The following CSMD1 variants were observed in gnomAD, a reference collection of about 807,000 sequenced individuals.
The protein encoded by CSMD1 is CUB and Sushi multiple domains 1, also known as CUB and sushi domain-containing protein 1.
A neutral mutation model predicts 417.5 loss-of-function variants in CSMD1; 213 were observed. The ratio of observed to expected loss-of-function variants is 0.51; its 90% CI spans 0.46 to 0.57. CSMD1 has a LOEUF of 0.57. Among genes scored for constraint, CSMD1 ranks in the 20% least tolerant of loss-of-function variants. The probability of loss-of-function intolerance (pLI) is 0.00; values close to 1 mark genes in which losing one functional copy is unlikely to be tolerated. For missense variants in CSMD1, 6,923 were observed against 4,529.7 expected (o/e 1.53, Z -15.17); for synonymous variants, 2,862 against 1,736.8 (o/e 1.65, Z -16.11).
chr8:3,540,256 C>G (rs1261698915), intron 10 of CSMD1, among the ~76,000 whole-genome samples: 1 of 152,138 alleles, frequency 6.6e-6, no homozygotes, highest in African/African-American at 2.4e-5. Context: ...ATTCAACTTA[C>G]TTGCAAAACA....
At chr8:4,418,578 T>C (rs189151716) in intron 3 of CSMD1, among the ~76,000 whole-genome samples, 8 of 152,318 alleles carry the variant, frequency 5.3e-5, no homozygotes, top group South Asian at 4.1e-4. Context: ...TGAACAAATA[T>C]TGTATGTTAA....
chr8:3,750,961 T>C (rs1167173662), intron 6 of CSMD1, among the ~76,000 whole-genome samples: 2 of 152,106 alleles, frequency 1.3e-5, no homozygotes, highest in Admixed American at 1.3e-4. Context: ...ATTCCTCACA[T>C]CCTCCTTCTG....
chr8:3,788,140 G>A (rs1433365353), intron 5 of CSMD1, among the ~76,000 whole-genome samples: 1 of 152,122 alleles, frequency 6.6e-6, no homozygotes, highest in Non-Finnish European at 1.5e-5. Flanking sequence ...CTCAGGACTT[G>A]GAGATGAAAT....
At chr8:3,371,064 G>A (rs534141594) in intron 18 of CSMD1, among the ~76,000 whole-genome samples, 1 of 152,218 alleles carries the variant, frequency 6.6e-6, no homozygotes, top group African/African-American at 2.4e-5. Context: ...AGAGCTCCTG[G>A]TTCTTGAACC....
intron 3 of CSMD1, among the ~76,000 whole-genome samples, chr8:4,356,411 G>A (rs761921604): frequency 6.6e-6 from 1 of 152,024 alleles, no homozygotes; most frequent in Non-Finnish European, 1.5e-5. Context: ...TTTTGCAATT[G>A]TCAATTGTGC....
chr8:3,976,565 C>G (rs1353026548), intron 5 of CSMD1, among the ~76,000 whole-genome samples: 2 of 152,144 alleles, frequency 1.3e-5, no homozygotes, highest in Admixed American at 6.6e-5. Flanking sequence ...GTCTTCTCAG[C>G]AATTAAGACA....
intron 1 of CSMD1, among the ~76,000 whole-genome samples, chr8:4,838,719 C>T (rs905832783): frequency 3.9e-5 from 6 of 152,300 alleles, no homozygotes; most frequent in East Asian, 1.9e-4. Context: ...CCCAAGCCTC[C>T]CTTGTTTCAT....
At chr8:4,350,389 A>T (rs1801022523) in intron 3 of CSMD1, among the ~76,000 whole-genome samples, 1 of 152,136 alleles carries the variant, frequency 6.6e-6, no homozygotes, top group South Asian at 2.1e-4. Context: ...TTATAAATGA[A>T]ATGCACAGCT....
At chr8:3,720,000 T>A (rs4875783) in intron 6 of CSMD1, among the ~76,000 whole-genome samples, 5 of 152,162 alleles carry the variant, frequency 3.3e-5, no homozygotes, top group Non-Finnish European at 7.4e-5. Context: ...TTACATGACA[T>A]GGCAAATAGA....
In CSMD1 at chr8:4,761,940, T is replaced by A. The variant is rs559244838; in HGVS notation, c.86-124382A>T. On this transcript the variant is annotated intron_variant, in intron 1 of 69. Transcript: ENST00000635120. Reference sequence around the variant, plus strand: ...CTATCTATCTATCTATCTATCTATCTATCTATCTATCTATCTATCTATCTA... The same window carrying A: ...CTATCTATCTATCTATCTATCTATCAATCTATCTATCTATCTATCTATCTA... 2.2e-3 allele frequency among the ~76,000 whole-genome samples: 326 copies of A among 149,598 alleles called. 1 individual carries two copies. The highest frequency in any genetic ancestry group is 7.8e-3 in the African/African-American group (316 of 40,504).
At position 3,512,865 on chromosome 8, in the gene CSMD1, G is replaced by C. The variant is rs368718143; in HGVS notation, c.1345-19139C>G. Among the ~76,000 whole-genome samples, 19 of 152,056 alleles carry C rather than the reference G, an allele frequency of 1.2e-4. No individual in the cohort carries two copies. The East Asian group carries it at 2.3e-3, about 19-fold the overall frequency. On this transcript the variant is annotated intron_variant, in intron 10 of 69. Coordinates refer to ENST00000635120, the MANE Select transcript of CSMD1 (RefSeq NM_033225.6). ...CCCACCTCGGCCTCCCAAAATGCTG[G>C]GATTACAGGTGTGAGCCACTGCACT...
intron 1 of CSMD1, among the ~76,000 whole-genome samples, chr8:4,638,789 G>A (rs1361851114): frequency 6.6e-6 from 1 of 152,168 alleles, no homozygotes; most frequent in African/African-American, 2.4e-5. Context: ...AAATGATGAG[G>A]GCTGAAGGGC....
At chr8:4,272,719 T>A (rs1185074153) in intron 3 of CSMD1, among the ~76,000 whole-genome samples, 6 of 152,124 alleles carry the variant, frequency 3.9e-5, no homozygotes, top group Non-Finnish European at 7.4e-5. Context: ...CATTCTGTAA[T>A]TCTTGACTGT....
Position 3,656,113 on chromosome 8 carries a change from G to C in CSMD1, c.1010-39316C>G, listed in dbSNP as rs150714011. Among the ~76,000 whole-genome samples the C allele has an allele frequency of 3.9e-3, 587 of 152,282 alleles. 5 individuals are homozygous for C. The highest frequency in any genetic ancestry group is 0.013 in the African/African-American group (552 of 41,562). The stretch of plus-strand genomic sequence containing the variant: ...CACAGATGCTACCAGAAGATCATGG[G>C]GTGCGCAGTGAACTCATTGGGGCGA... On this transcript the variant is annotated intron_variant, in intron 7 of 69. Transcript: ENST00000635120.
At chr8:4,305,559 A>G (rs976432787) in intron 3 of CSMD1, among the ~76,000 whole-genome samples, 3 of 152,240 alleles carry the variant, frequency 2.0e-5, no homozygotes, top group African/African-American at 7.2e-5. Context: ...TCTCTCTGGA[A>G]TAACAGGAAA....
chr8:4,168,240 A>C (rs111304256), intron 3 of CSMD1, among the ~76,000 whole-genome samples: 9 of 151,642 alleles, frequency 5.9e-5, no homozygotes, highest in African/African-American at 1.5e-4. Flanking sequence ...AACACACACA[A>C]AAAAATTAGT....
At chr8:3,450,944 G>A in intron 12 of CSMD1, among the ~76,000 whole-genome samples, 1 of 152,074 alleles carries the variant, frequency 6.6e-6, no homozygotes, top group East Asian at 1.9e-4. Flanking sequence ...GTGTAAAAGT[G>A]TTCCTATTTC....
rs774181273 is a variant in CSMD1 at position 3,396,312 on chromosome 8, G to T, written c.2475C>A (p.Ile825=). The part of the protein sequence containing the change: ...RDGPASSSPL[I]GEYHGTQAPQ... ...GTGCCTGGGTGCCGTGGTACTCGCC[G>T]ATCAGTGGGGACGAACTGGCTGGCC... The change falls in exon 17 of 70, where the codon ATC becomes ATA. Residue 825 remains isoleucine, a synonymous_variant. Transcript: ENST00000635120. 1.9e-6 allele frequency: 3 copies of T among 1,607,144 alleles called. No homozygotes were observed. Among genetic ancestry groups the T allele is most frequent in the East Asian group, 4.5e-5 (2 of 44,664 alleles).
intron 10 of CSMD1, among the ~76,000 whole-genome samples, chr8:3,545,700 G>A (rs2086582): frequency 0.45 from 68,445 of 151,968 alleles, 15,746 homozygotes; most frequent in East Asian, 0.53. Context: ...ACTTAACTGC[G>A]AATCACAGCC....
Sources: allele counts gnomAD v4.1 joint callset (sites outside exome capture counted in the v4.1 genomes callset), GRCh38; gene constraint gnomAD v4.1.1; transcripts MANE v1.5; gene names NCBI Gene and HGNC (gene_info 2026-07-23, HGNC 2026-07-21).